The following CMYA5 variants were observed in gnomAD, a reference collection of about 807,000 sequenced individuals.
CMYA5 encodes cardiomyopathy-associated protein 5.
A neutral mutation model predicts 318.9 loss-of-function variants in CMYA5; 246 were observed. The observed-to-expected ratio is 0.77, with a 90% CI of 0.70 to 0.86. The LOEUF (loss-of-function observed/expected upper bound fraction) is 0.86, where lower values mean the gene tolerates loss of function less well. Ranked by LOEUF, CMYA5 falls within the 40% of genes least tolerant of loss-of-function variation. The pLI is 0.00. For missense variants in CMYA5, 4,589 were observed against 4,678.2 expected, an observed-to-expected ratio of 0.98 and a Z score of 0.56; for synonymous variants, 1,641 against 1,729.5, an observed-to-expected ratio of 0.95 and a Z score of 1.27.
In CMYA5 at chr5:79,737,741, TG is replaced by T. The variant is rs1278680553; in HGVS notation, c.8977del (p.Asp2993MetfsTer12). 1.9e-6 allele frequency: 3 copies of T among 1,611,568 alleles called. No homozygotes were observed. The highest frequency in any genetic ancestry group is 2.7e-5 in the African/African-American group (2 of 74,710). Reference protein sequence around the residue: ...KASFKTIPLPDDSETVACHKT... With the variant: ...KASFKTIPLPXDSETVACHKT... ...CCTCATTTAAAACCATACCACTCCC[TG>T]ATGATAGTGAAACAGTTGCTTGTCA... is the stretch of plus-strand genomic sequence containing the variant. On this transcript the variant is annotated frameshift_variant, in exon 2 of 13. Coordinates refer to ENST00000446378, the MANE Select transcript of CMYA5 (RefSeq NM_153610.5). LOFTEE classifies it high-confidence loss of function.
intron 9 of CMYA5, among the ~76,000 whole-genome samples, chr5:79,785,872 C>T (rs1426984904): frequency 6.6e-6 from 1 of 152,136 alleles, no homozygotes; most frequent in African/African-American, 2.4e-5. Flanking sequence ...GATTCTGACC[C>T]CATTGTGCAC....
chr5:79,796,124 A>T (rs1829271106), intron 12 of CMYA5, among the ~76,000 whole-genome samples: 1 of 152,090 alleles, frequency 6.6e-6, no homozygotes, highest in African/African-American at 2.4e-5. Flanking sequence ...GGAATGACCA[A>T]CGCTGGGCCT....
At chr5:79,752,858 AT>A in intron 6 of CMYA5, 64 bp downstream of exon 6, 1 of 1,112,926 alleles carries the variant, frequency 9.0e-7, no homozygotes. Context: ...TTTGTTTTGT[AT>A]GTAATGATAT....
At position 79,745,274 on chromosome 5, in the gene CMYA5, T is replaced by G. The variant is rs199846871; in HGVS notation, c.10787T>G (p.Met3596Arg). Residue 3596 changes from methionine (M) to arginine (R), a missense_variant, in exon 4 of 13, where the codon ATG becomes AGG. Physicochemically the swap from Met to Arg is moderately conservative, Grantham distance 91 (BLOSUM62 -1). Around this residue, in one of 3 missense-constraint regions of CMYA5, gnomAD observed 2,431 missense variants for 2,495.1 expected, o/e 0.97. Transcript: ENST00000446378. ...KRLEEQNEEM[M>R]KKVLAQYDEK... ...CTAGAAGAACAGAATGAGGAAATGA[T>G]GAAGAAGGTTTTAGCACAGTATGAT... 23 of 1,611,122 alleles carry G rather than the reference T, an allele frequency of 1.4e-5. No homozygotes were observed. The African/African-American group carries it at 1.7e-4, about 12-fold the overall frequency.
intron 9 of CMYA5, among the ~76,000 whole-genome samples, chr5:79,764,193 T>C (rs576897203): frequency 7.5e-4 from 111 of 148,156 alleles, no homozygotes; most frequent in Non-Finnish European, 1.4e-3. Flanking sequence ...GATGGTCCCC[T>C]CCCTGTGTCC....
chr5:79,695,884 T>G (rs1310172173), intron 1 of CMYA5, among the ~76,000 whole-genome samples: 2 of 152,258 alleles, frequency 1.3e-5, no homozygotes, highest in African/African-American at 4.8e-5. Context: ...TAGGTATTCC[T>G]TTAGTTCCTG....
At position 79,739,076 on chromosome 5, in the gene CMYA5, A is replaced by G; in HGVS notation, c.10311A>G (p.Leu3437=). ...ATGAAGTGGTTCCTCAAGACATATTATCAGAAGAACTGTCTTCAGAATCCA... is the reference window on the plus strand; with the variant it reads ...ATGAAGTGGTTCCTCAAGACATATTGTCAGAAGAACTGTCTTCAGAATCCA... ...LHNEVVPQDI[L]SEELSSESTP... The change falls in exon 2 of 13, where the codon TTA becomes TTG. Residue 3437 remains leucine (L), a synonymous_variant. Transcript: ENST00000446378. The G allele has an allele frequency of 1.2e-6, 2 of 1,613,870 alleles. No individual in the cohort carries two copies. The highest frequency in any genetic ancestry group is 1.3e-5 in the African/African-American group (1 of 75,044).
At position 79,733,157 on chromosome 5, in the gene CMYA5, A is replaced by T. The variant is rs1227422438; in HGVS notation, c.4392A>T (p.Glu1464Asp). The change falls in exon 2 of 13, where the codon GAA becomes GAT. Residue 1464 changes from glutamate (E) to aspartate (D), a missense_variant. Coordinates refer to ENST00000446378, the MANE Select transcript of CMYA5 (RefSeq NM_153610.5). ...AGCATTCTGTTTTGTCAGAAGTAGAAGCCAAAGAAGTTAAAGCTGGGTTGC... is the reference window on the plus strand; with the variant it reads ...AGCATTCTGTTTTGTCAGAAGTAGATGCCAAAGAAGTTAAAGCTGGGTTGC... ...IAEHSVLSEV[E>D]AKEVKAGLPV... 6.2e-7 allele frequency: 1 copy of T among 1,613,846 alleles called. No homozygotes were observed. Among genetic ancestry groups the T allele is most frequent in the Non-Finnish European group, 8.5e-7 (1 of 1,179,818 alleles).
intron 5 of CMYA5, 35 bp from the exon 6 acceptor site, chr5:79,752,641 T>C (rs1476336775): frequency 6.9e-7 from 1 of 1,457,676 alleles, no homozygotes; most frequent in Non-Finnish European, 9.5e-7. Flanking sequence ...ATGTTAATAA[T>C]TTTTTAACTT....
chr5:79,797,899 A>G (rs923214783), intron 12 of CMYA5, among the ~76,000 whole-genome samples: 2 of 151,958 alleles, frequency 1.3e-5, no homozygotes, highest in South Asian at 2.1e-4. Context: ...TTTTTCACCT[A>G]TTCAAGTCCT....
Position 79,763,098 on chromosome 5 carries a change from CTGTGTGT to C in CMYA5, c.11447_11453del (p.Val3816GlyfsTer45), listed in dbSNP as rs765522050. 1.2e-6 allele frequency: 2 copies of C among 1,613,912 alleles called. No homozygotes were observed. Among genetic ancestry groups the C allele is most frequent in the South Asian group, 2.2e-5 (2 of 91,062 alleles). On this transcript the variant is annotated frameshift_variant, in exon 9 of 13. Coordinates refer to ENST00000446378, the MANE Select transcript of CMYA5 (RefSeq NM_153610.5). LOFTEE classifies it high-confidence loss of function. The stretch of plus-strand genomic sequence containing the variant: ...CCTGTGATCCGCGCTGAGGACTGTA[CTGTGTGT>C]TGGAACACAGCCACTATCCGATGGC...
At position 79,689,975 on chromosome 5, in the gene CMYA5, C is replaced by T; in HGVS notation, c.68C>T (p.Thr23Ile). 1 of 1,364,208 alleles carries T rather than the reference C, an allele frequency of 7.3e-7. No individual in the cohort carries two copies. Among genetic ancestry groups the T allele is most frequent in the South Asian group, 1.3e-5 (1 of 79,490 alleles). The allele number at this position is 1,364,208 out of a possible 1,614,324, so 84.5% of individuals were successfully genotyped here. ...GGCTCCGACGGGGACGAGGAGGCGA[C>T]CCGGGAGCTGGAGACCGAGGAGGAG... The part of the protein sequence containing the change: ...FLGSDGDEEA[T>I]RELETEEESE... Residue 23 changes from threonine (T) to isoleucine (I), a missense_variant, in exon 1 of 13, where the codon ACC becomes ATC. Transcript: ENST00000446378.
rs757020718 is a variant in CMYA5, at chr5:79,731,281, A to T, written c.2516A>T (p.Glu839Val). Residue 839 changes from glutamate to valine, a missense_variant, in exon 2 of 13, where the codon GAG (glutamate) becomes GTG (valine). Physicochemically the swap from Glu to Val is moderately radical, Grantham distance 121. This residue lies in a region of CMYA5 where 2,132 missense variants were observed against 2,131.3 expected (regional missense o/e 1.00). Transcript: ENST00000446378. ...ACAGTTCTGTCAGTAGACGGCAAGG[A>T]GGTCATTGGACCATCTTCCCCAGAT... is the stretch of plus-strand genomic sequence containing the variant. ...EHTVLSVDGK[E>V]VIGPSSPDLV... 1.2e-6 allele frequency: 2 copies of T among 1,613,784 alleles called. No individual in the cohort carries two copies. The highest frequency in any genetic ancestry group is 1.7e-6 in the Non-Finnish European group (2 of 1,179,850).
chr5:79,750,441 T>A (rs1294463782), intron 5 of CMYA5, among the ~76,000 whole-genome samples: 2 of 152,304 alleles, frequency 1.3e-5, no homozygotes, highest in East Asian at 3.9e-4. Context: ...AGTAGCTAAG[T>A]TTTTGGGGAG....
chr5:79,784,897 A>C (rs983821056), intron 9 of CMYA5, among the ~76,000 whole-genome samples: 1 of 151,806 alleles, frequency 6.6e-6, no homozygotes, highest in Non-Finnish European at 1.5e-5. Flanking sequence ...TCACGCTGGG[A>C]GCTGTAGACC....
intron 1 of CMYA5, among the ~76,000 whole-genome samples, chr5:79,694,036 T>G (rs1450505475): frequency 6.6e-6 from 1 of 152,120 alleles, no homozygotes; most frequent in Non-Finnish European, 1.5e-5. Context: ...GAGGGATATG[T>G]GTCTTATTTG....
intron 7 of CMYA5, 149 bp from the exon 8 acceptor site, chr5:79,761,662 C>T: frequency 1.4e-6 from 1 of 729,204 alleles, no homozygotes; most frequent in Non-Finnish European, 2.2e-6. Context: ...CACATGTATT[C>T]TAAGGAGCTG....
intron 5 of CMYA5, among the ~76,000 whole-genome samples, chr5:79,748,489 C>A (rs930494893): frequency 6.6e-6 from 1 of 150,556 alleles, no homozygotes; most frequent in South Asian, 2.1e-4. Flanking sequence ...GGCCTTATTC[C>A]GAGTTCCCTA....
At position 79,729,092 on chromosome 5, in the gene CMYA5, G is replaced by C. The variant is rs16877111; in HGVS notation, c.327G>C (p.Arg109=). The C allele has an allele frequency of 0.038, 62,109 of 1,613,522 alleles. 7,281 individuals are homozygous for C. In the African/African-American group the frequency reaches 0.42, roughly 11 times the overall value. ...GTCAGACTTCTGGTGTGTGTAGTCGGGAAGGGTCAACTGTGAATTCTCCTC... is the reference window on the plus strand; with the variant it reads ...GTCAGACTTCTGGTGTGTGTAGTCGCGAAGGGTCAACTGTGAATTCTCCTC... The part of the protein sequence containing the change: ...EESQTSGVCS[R]EGSTVNSPPG... The change falls in exon 2 of 13, where the codon CGG becomes CGC. Residue 109 remains arginine (R), a synonymous_variant. Transcript: ENST00000446378.
Sources: allele counts gnomAD v4.1 joint callset (sites outside exome capture counted in the v4.1 genomes callset), GRCh38; gene constraint gnomAD v4.1.1; regional missense constraint gnomAD v4.1.1; transcripts MANE v1.5; gene names NCBI Gene and HGNC (gene_info 2026-07-23, HGNC 2026-07-21).